Variants in CADPS observed in about 807,000 individuals in gnomAD.
The protein encoded by CADPS is calcium dependent secretion activator, also known as calcium-dependent secretion activator 1.
In CADPS, 57 loss-of-function variants were observed where a neutral mutation model predicts 167.3. The observed-to-expected ratio is 0.34, with a 90% CI of 0.28 to 0.42. The LOEUF is 0.42. CADPS is among the 20% of genes least tolerant of loss of function. The pLI is 1.00. For missense variants in CADPS, 1,414 were observed against 1,738.1 expected (o/e 0.81, Z 3.32); for synonymous variants, 676 against 635.3 (o/e 1.06, Z -0.96).
intron 3 of CADPS, among the ~76,000 whole-genome samples, chr3:62,706,980 C>A (rs1473818404): frequency 6.6e-6 from 1 of 152,048 alleles, no homozygotes; most frequent in East Asian, 1.9e-4. Flanking sequence ...GCATTTCTAC[C>A]CCTTACATTT....
At chr3:62,720,619 A>G (rs11713984) in intron 3 of CADPS, among the ~76,000 whole-genome samples, 12,012 of 151,524 alleles carry the variant, frequency 0.079, 627 homozygotes, top group Non-Finnish European at 0.12. Context: ...GATTACAGGC[A>G]TGAGCCACTG....
intron 3 of CADPS, among the ~76,000 whole-genome samples, chr3:62,667,570 G>T (rs2150657550): frequency 6.6e-6 from 1 of 152,184 alleles, no homozygotes; most frequent in Middle Eastern, 3.4e-3. Context: ...GATCCTCGAT[G>T]GGAAAGGATT....
chr3:62,690,047 C>A (rs1029881947), intron 3 of CADPS, among the ~76,000 whole-genome samples: 4 of 151,856 alleles, frequency 2.6e-5, no homozygotes, highest in Non-Finnish European at 5.9e-5. Flanking sequence ...GAGTCCCAAG[C>A]AGCTACCATG....
chr3:62,651,902 T>G (rs2070247652), intron 4 of CADPS, among the ~76,000 whole-genome samples: 2 of 150,812 alleles, frequency 1.3e-5, no homozygotes, highest in Admixed American at 1.3e-4. Flanking sequence ...GACATTTTTA[T>G]TTTTTTTTGC....
intron 6 of CADPS, among the ~76,000 whole-genome samples, chr3:62,632,627 G>A (rs967365658): frequency 2.6e-5 from 4 of 152,050 alleles, no homozygotes; most frequent in Non-Finnish European, 5.9e-5. Flanking sequence ...CTTGCTCAGT[G>A]GGACTGGACT....
Position 62,416,759 on chromosome 3 carries a change from A to G in CADPS, c.3778-13574T>C, listed in dbSNP as rs371736744. On this transcript the variant is annotated intron_variant, in intron 28 of 29. Coordinates refer to ENST00000383710, the MANE Select transcript of CADPS (RefSeq NM_003716.4). ...GAAAACTGGAGGTTCTTCCTGGGGG[A>G]CCATTGCTATTTTATCATTTCAGTG... Among the ~76,000 whole-genome samples, 7 of 152,214 alleles carry G rather than the reference A, an allele frequency of 4.6e-5. No homozygotes were observed. In the East Asian group the frequency reaches 1.4e-3, roughly 29 times the overall value.
Position 62,874,677 on chromosome 3 carries a change from C to T in CADPS, c.353G>A (p.Arg118Lys). The change falls in exon 1 of 30, where the codon AGG becomes AAG. Residue 118 changes from arginine to lysine, a missense_variant. Transcript: ENST00000383710. The surrounding 1 kb of genome is among the most constrained non-coding windows in gnomAD (Gnocchi z 7.1). ...CATCACGAACACATACAGCTGCAGC[C>T]TCTTCTTCCTCTCCTCCTCCTCTTT... ...LQKEEEERKK[R>K]LQLYVFVMRC... The T allele has an allele frequency of 6.4e-7, 1 of 1,555,174 alleles. No homozygotes were observed. Among genetic ancestry groups the T allele is most frequent in the Non-Finnish European group, 8.7e-7 (1 of 1,148,786 alleles).
chr3:62,614,099 T>C (rs1018515702), intron 6 of CADPS, among the ~76,000 whole-genome samples: 21 of 152,152 alleles, frequency 1.4e-4, no homozygotes, highest in African/African-American at 5.1e-4. Context: ...ATCACTACCA[T>C]CATCATCAAT....
intron 3 of CADPS, among the ~76,000 whole-genome samples, chr3:62,733,921 G>A (rs905592492): frequency 7.2e-5 from 11 of 152,034 alleles, no homozygotes; most frequent in Admixed American, 5.2e-4. Flanking sequence ...TAACTCCCAC[G>A]TAAAAGTGAA....
intron 2 of CADPS, among the ~76,000 whole-genome samples, chr3:62,760,419 A>G (rs2085113250): frequency 6.6e-6 from 1 of 152,130 alleles, no homozygotes; most frequent in Admixed American, 6.6e-5. Context: ...ATTTAGAGAC[A>G]GGGTCTCATT....
At chr3:62,522,518 T>G (rs2070933550) in intron 13 of CADPS, among the ~76,000 whole-genome samples, 1 of 152,118 alleles carries the variant, frequency 6.6e-6, no homozygotes, top group Admixed American at 6.5e-5. Context: ...TTTCTACTCT[T>G]CCATAGCTCA....
chr3:62,717,475 C>G (rs1408516641), intron 3 of CADPS, among the ~76,000 whole-genome samples: 2 of 152,200 alleles, frequency 1.3e-5, no homozygotes, highest in African/African-American at 4.8e-5. Flanking sequence ...CTCCTCCAAA[C>G]CGGTTCCTTT....
chr3:62,840,859 G>T (rs940734107), intron 1 of CADPS, among the ~76,000 whole-genome samples: 1 of 152,144 alleles, frequency 6.6e-6, no homozygotes, highest in Non-Finnish European at 1.5e-5. Flanking sequence ...AAATGATACA[G>T]ATTCTTGTTT....
At chr3:62,851,503 G>A (rs1228324188) in intron 1 of CADPS, among the ~76,000 whole-genome samples, 4 of 149,492 alleles carry the variant, frequency 2.7e-5, no homozygotes, top group African/African-American at 9.9e-5. Flanking sequence ...TTGCTTGTCT[G>A]TAAAGTATTT....
At chr3:62,606,701 A>C (rs1033265402) in intron 6 of CADPS, among the ~76,000 whole-genome samples, 4 of 152,252 alleles carry the variant, frequency 2.6e-5, no homozygotes, top group Non-Finnish European at 5.9e-5. Flanking sequence ...TTCTTCGGCC[A>C]ACGGGGCATT....
At chr3:62,856,936 G>T (rs926507860) in intron 1 of CADPS, among the ~76,000 whole-genome samples, 4 of 151,578 alleles carry the variant, frequency 2.6e-5, no homozygotes, top group African/African-American at 7.3e-5. Flanking sequence ...GATAGAGAAG[G>T]TCTTTCATTG....
intron 6 of CADPS, among the ~76,000 whole-genome samples, chr3:62,621,924 T>A (rs994603680): frequency 6.6e-6 from 1 of 151,958 alleles, no homozygotes; most frequent in Non-Finnish European, 1.5e-5. Context: ...TTAGAGTTTT[T>A]ATTTCATCTG....
At chr3:62,689,396 A>G (rs1162236202) in intron 3 of CADPS, among the ~76,000 whole-genome samples, 3 of 152,106 alleles carry the variant, frequency 2.0e-5, no homozygotes, top group Non-Finnish European at 2.9e-5. Context: ...AGAGAATAGG[A>G]TGCCATCTTG....
rs1447389865 is a variant in CADPS at position 62,874,691 on chromosome 3, C to T, written c.339G>A (p.Glu113=). 1 of 1,553,762 alleles carries T rather than the reference C, an allele frequency of 6.4e-7. No homozygotes were observed. ...ACAGCTGCAGCCTCTTCTTCCTCTC[C>T]TCCTCCTCTTTCTGCAGCCGCTCCA... ...EELERLQKEE[E]ERKKRLQLYV... The change falls in exon 1 of 30, where the codon GAG becomes GAA. Residue 113 remains glutamate, a synonymous_variant. Transcript: ENST00000383710. This position sits in a 1 kb window ranked among gnomAD's most constrained non-coding sequence, Gnocchi z 7.1.
Sources: gnomAD v4.1 joint callset for allele counts (sites outside exome capture counted in the v4.1 genomes callset) on GRCh38, gnomAD v4.1.1 for gene constraint, Gnocchi (gnomAD v3.1) non-coding constraint, MANE v1.5 for transcripts, NCBI Gene and HGNC (gene_info 2026-07-23, HGNC 2026-07-21) for gene names.